Variants in BRAF observed in about 807,000 individuals in gnomAD.
The protein encoded by BRAF is serine/threonine-protein kinase B-raf.
A neutral mutation model predicts 104.6 loss-of-function variants in BRAF; 16 were observed. The ratio of observed to expected loss-of-function variants is 0.15; its 90% CI spans 0.10 to 0.23. The LOEUF is 0.23. Ranked by LOEUF, BRAF falls within the 10% of genes least tolerant of loss-of-function variation. The pLI is 1.00. For missense variants in BRAF, 541 were observed against 937.3 expected (o/e 0.58, Z 5.52); for synonymous variants, 310 against 341.6 (o/e 0.91, Z 1.02).
intron 1 of BRAF, among the ~76,000 whole-genome samples, chr7:140,857,392 C>CA (rs1385261289): frequency 3.3e-5 from 5 of 152,242 alleles, no homozygotes; most frequent in Admixed American, 6.5e-5. Context: ...CCCAGTAAAA[C>CA]AAACTCATTC....
intron 2 of BRAF, among the ~76,000 whole-genome samples, chr7:140,839,895 A>C (rs1470556094): frequency 6.6e-6 from 1 of 152,196 alleles, no homozygotes; most frequent in African/African-American, 2.4e-5. Context: ...GTTGATCTAC[A>C]ACCAAAAGTA....
At position 140,757,211 on chromosome 7, in the gene BRAF, C is replaced by T. The variant is rs187363124; in HGVS notation, c.1815-2978G>A. On this transcript the variant is annotated intron_variant, in intron 14 of 19. Coordinates refer to ENST00000644969, the MANE Select transcript of BRAF (RefSeq NM_001374258.1). ...AAAAAGGATTATATTCAATTACAAT[C>T]CTAGAATAATTATTCTTGAATTGCT... 7.2e-5 allele frequency among the ~76,000 whole-genome samples: 11 copies of T among 152,238 alleles called. No individual in the cohort carries two copies. In the East Asian group the frequency reaches 1.9e-3, roughly 27 times the overall value.
At chr7:140,714,367 T>C (rs1450989656), downstream of BRAF, among the ~76,000 whole-genome samples, 1 of 152,180 alleles carries the variant, frequency 6.6e-6, no homozygotes, top group Non-Finnish European at 1.5e-5. Context: ...CAGATCTGTA[T>C]CTATGTATCT....
intron 3 of BRAF, among the ~76,000 whole-genome samples, chr7:140,830,831 CT>C (rs756356279): frequency 5.9e-5 from 9 of 152,190 alleles, no homozygotes; most frequent in Non-Finnish European, 4.4e-5. Flanking sequence ...TCCCACATAC[CT>C]TTCCCTATGC....
intron 2 of BRAF, among the ~76,000 whole-genome samples, chr7:140,844,255 T>A (rs1288398372): frequency 1.3e-5 from 2 of 151,940 alleles, no homozygotes; most frequent in Non-Finnish European, 2.9e-5. Flanking sequence ...TAAAAAAAAA[T>A]AAAAATAAAA....
At chr7:140,717,084 G>A (rs1795146267), downstream of BRAF, among the ~76,000 whole-genome samples, 1 of 152,142 alleles carries the variant, frequency 6.6e-6, no homozygotes, top group Non-Finnish European at 1.5e-5. Context: ...AACCATTTCT[G>A]GCTATGAACT....
At chr7:140,714,195 A>C in the BRAF span, among the ~76,000 whole-genome samples, 1 of 152,136 alleles carries the variant, frequency 6.6e-6, no homozygotes, top group Non-Finnish European at 1.5e-5. Context: ...TGCAGACGGG[A>C]GCTGTTCCTA....
intron 1 of BRAF, among the ~76,000 whole-genome samples, chr7:140,894,520 A>G (rs1379743021): frequency 6.6e-6 from 1 of 152,192 alleles, no homozygotes; most frequent in African/African-American, 2.4e-5. Flanking sequence ...AAAGGGAGGT[A>G]TAAGTGTACT....
intron 1 of BRAF, among the ~76,000 whole-genome samples, chr7:140,915,867 G>A (rs1475115713): frequency 6.6e-6 from 1 of 151,778 alleles, no homozygotes; most frequent in Non-Finnish European, 1.5e-5. Flanking sequence ...TTTCAAAATC[G>A]GCAAGGTGAT....
intron 1 of BRAF, 150 bp from the exon 2 acceptor site, chr7:140,850,362 T>C (rs1329099521): frequency 5.1e-6 from 3 of 591,692 alleles, no homozygotes; most frequent in South Asian, 2.4e-5. Context: ...TTCTCTTTTA[T>C]TATGAAACAT....
In BRAF at chr7:140,919,620, T is replaced by C. The variant is rs888732731; in HGVS notation, c.138+4946A>G. On this transcript the variant is annotated intron_variant, in intron 1 of 19. Coordinates refer to ENST00000644969, the MANE Select transcript of BRAF (RefSeq NM_001374258.1). ...ATGTTAGTGATTTAGGCTGGAAAAA[T>C]TGAAATCGAAAAATAAAAACATGGC... Among the ~76,000 whole-genome samples the C allele has an allele frequency of 2.6e-5, 4 of 151,808 alleles. No homozygotes were observed. In the East Asian group the frequency reaches 7.7e-4, roughly 29 times the overall value.
At chr7:140,755,926 A>C (rs1355375070) in intron 14 of BRAF, among the ~76,000 whole-genome samples, 1 of 152,052 alleles carries the variant, frequency 6.6e-6, no homozygotes, top group Admixed American at 6.6e-5. Context: ...AAGACTTAAA[A>C]ACAAAAACAA....
At chr7:140,923,436 G>A (rs1329231719) in intron 1 of BRAF, among the ~76,000 whole-genome samples, 4 of 152,058 alleles carry the variant, frequency 2.6e-5, no homozygotes, top group Non-Finnish European at 5.9e-5. Context: ...TAAATAATTT[G>A]ACACAGTGCT....
At chr7:140,826,314 T>C (rs1288023497) in intron 3 of BRAF, among the ~76,000 whole-genome samples, 1 of 152,242 alleles carries the variant, frequency 6.6e-6, no homozygotes, top group Non-Finnish European at 1.5e-5. Flanking sequence ...ACTGTTTCTT[T>C]TGAACTTTCT....
intron 1 of BRAF, among the ~76,000 whole-genome samples, chr7:140,857,480 A>G (rs921487527): frequency 5.3e-5 from 8 of 152,192 alleles, no homozygotes; most frequent in Non-Finnish European, 1.0e-4. Context: ...GTTGTTATTT[A>G]TTATTGCAGC....
chr7:140,812,462 T>C (rs1327213954), intron 3 of BRAF, among the ~76,000 whole-genome samples: 5 of 152,186 alleles, frequency 3.3e-5, no homozygotes, highest in African/African-American at 9.7e-5. Context: ...TCAGCCTCTT[T>C]GGTAATTTCC....
At chr7:140,796,668 G>A (rs577412350) in intron 7 of BRAF, among the ~76,000 whole-genome samples, 4 of 152,318 alleles carry the variant, frequency 2.6e-5, no homozygotes, top group African/African-American at 7.2e-5. Flanking sequence ...TTGGTAGTTG[G>A]TATCTAATAG....
Position 140,739,559 on chromosome 7 carries a change from A to T in BRAF, c.2247+253T>A, listed in dbSNP as rs532154680. On this transcript the variant is annotated intron_variant, in intron 18 of 19. Transcript: ENST00000644969. The stretch of plus-strand genomic sequence containing the variant: ...TCGATAATTTTTAAATGTGTAAAAG[A>T]GTTCAAAGACTGAGAAGTCTGAGAA... Among the ~76,000 whole-genome samples, 11 of 152,006 alleles carry T rather than the reference A, an allele frequency of 7.2e-5. No homozygotes were observed. The East Asian group carries it at 1.9e-3, about 27-fold the overall frequency.
chr7:140,886,707 C>G (rs1371538610), intron 1 of BRAF, among the ~76,000 whole-genome samples: 1 of 152,180 alleles, frequency 6.6e-6, no homozygotes, highest in Non-Finnish European at 1.5e-5. Context: ...CCTCACTGAG[C>G]TCTCACATCA....
Sources: gnomAD v4.1 joint callset for allele counts (sites outside exome capture counted in the v4.1 genomes callset) on GRCh38, gnomAD v4.1.1 for gene constraint, MANE v1.5 for transcripts, NCBI Gene and HGNC (gene_info 2026-07-23, HGNC 2026-07-21) for gene names.